The following SETDB2 variants were observed in gnomAD, a reference collection of about 807,000 sequenced individuals.
The protein encoded by SETDB2 is histone-lysine N-methyltransferase SETDB2.
Under a neutral mutation model 82.5 loss-of-function variants are expected in SETDB2, and 56 were observed. The ratio of observed to expected loss-of-function variants is 0.68; its 90% CI spans 0.55 to 0.85. The LOEUF (loss-of-function observed/expected upper bound fraction) is 0.85, where lower values mean the gene tolerates loss of function less well. Among genes scored for constraint, SETDB2 ranks in the 40% least tolerant of loss-of-function variants. SETDB2 has a pLI of 0.00. For missense variants in SETDB2, 677 were observed against 816.4 expected (o/e 0.83, Z 2.08); for synonymous variants, 272 against 284.9 (o/e 0.95, Z 0.46).
chr13:49,470,786 A>G (rs1031055565), intron 5 of SETDB2, among the ~76,000 whole-genome samples: 11 of 152,200 alleles, frequency 7.2e-5, no homozygotes, highest in South Asian at 2.1e-4. Flanking sequence ...TCAAGGCTGC[A>G]GCAAGCCATG....
At chr13:49,490,407 T>C (rs958709958) in intron 12 of SETDB2, among the ~76,000 whole-genome samples, 2 of 152,138 alleles carry the variant, frequency 1.3e-5, no homozygotes, top group Non-Finnish European at 2.9e-5. Context: ...AAAGTTTATT[T>C]AACCAATCTG....
intron 1 of SETDB2, chr13:49,445,847 C>T (rs1282254145): frequency 6.6e-6 from 1 of 150,862 alleles, no homozygotes; most frequent in African/African-American, 2.5e-5. Flanking sequence ...AGGAGAATCG[C>T]TTGAACCCGG....
In SETDB2 at chr13:49,454,571, C is replaced by T. The variant is rs535493152; in HGVS notation, c.16+2662C>T. ...TTACTTAGGTCAGTACCTTTTCCAC[C>T]CAGCCCTTGGTGAAGTTGTTTATAC... On this transcript the variant is annotated intron_variant, in intron 2 of 13. Transcript: ENST00000611815. Among the ~76,000 whole-genome samples the T allele has an allele frequency of 2.6e-5, 4 of 152,110 alleles. No homozygotes were observed. In the South Asian group the frequency reaches 8.3e-4, roughly 31 times the overall value.
At chr13:49,472,650 T>C (rs1381498126) in intron 5 of SETDB2, among the ~76,000 whole-genome samples, 1 of 152,200 alleles carries the variant, frequency 6.6e-6, no homozygotes, top group African/African-American at 2.4e-5. Flanking sequence ...GGGATGAAAT[T>C]AGGTTACTTT....
At chr13:49,462,757 T>C (rs971113923) in intron 4 of SETDB2, among the ~76,000 whole-genome samples, 1 of 152,214 alleles carries the variant, frequency 6.6e-6, no homozygotes, top group African/African-American at 2.4e-5. Flanking sequence ...TCTCTGAAAA[T>C]ATAGTCTAGC....
chr13:49,490,916 A>C lies in SETDB2; in HGVS notation c.2006+6A>C, dbSNP rs189713465. On this transcript the variant is annotated splice_donor_region_variant and intron_variant, in intron 13 of 13. Transcript: ENST00000611815. ...GTGGCATTCTTCACCAACAGGTTTG[A>C]AATTGATTTCGCTTACTTAATTCTG... 7,144 of 1,608,664 alleles carry C rather than the reference A, an allele frequency of 4.4e-3. 23 individuals carry two copies. The highest frequency in any genetic ancestry group is 0.018 in the Middle Eastern group (111 of 6,046).
intron 1 of SETDB2, chr13:49,446,478 C>A (rs560279814): frequency 9.1e-6 from 4 of 440,158 alleles, no homozygotes; most frequent in Non-Finnish European, 1.8e-5. Flanking sequence ...TTAATACTTA[C>A]ACCTTTTAAT....
chr13:49,450,338 C>T (rs1957763657), intron 1 of SETDB2, among the ~76,000 whole-genome samples: 1 of 152,180 alleles, frequency 6.6e-6, no homozygotes, highest in Non-Finnish European at 1.5e-5. Context: ...TTCCAGCTTA[C>T]TAACTGGCTC....
Position 49,491,863 on chromosome 13 carries a change from G to A in SETDB2, c.*14G>A, listed in dbSNP as rs769793982. ...AAAATATTATAAATATGTAACTAAC[G>A]CCTGTTTGTGAAATTAGCTTATCAG... On this transcript the variant is annotated 3_prime_UTR_variant, in exon 14 of 14. Transcript: ENST00000611815. 3.1e-5 allele frequency: 47 copies of A among 1,530,314 alleles called. No homozygotes were observed. The highest frequency in any genetic ancestry group is 1.7e-4 in the Middle Eastern group (1 of 5,894). 94.8% of individuals were successfully genotyped at this position (1,530,314 alleles called of 1,614,324 possible).
intron 2 of SETDB2, among the ~76,000 whole-genome samples, chr13:49,458,241 G>A (rs1566157661): frequency 1.3e-5 from 2 of 152,122 alleles, no homozygotes; most frequent in East Asian, 3.9e-4. Context: ...GTACCACCTC[G>A]CCTGGCTGAT....
intron 4 of SETDB2, among the ~76,000 whole-genome samples, chr13:49,462,574 T>A (rs116461122): frequency 1.3e-5 from 2 of 152,192 alleles, no homozygotes; most frequent in Non-Finnish European, 1.5e-5. Flanking sequence ...AAAGAAAAAC[T>A]GAGAAGTTAT....
intron 5 of SETDB2, among the ~76,000 whole-genome samples, chr13:49,472,133 A>G (rs1958263408): frequency 6.6e-6 from 1 of 151,872 alleles, no homozygotes; most frequent in South Asian, 2.1e-4. Flanking sequence ...CAGTATGTAT[A>G]CAAGACCCAA....
chr13:49,463,198 A>G (rs766315666), intron 4 of SETDB2, among the ~76,000 whole-genome samples: 6 of 151,452 alleles, frequency 4.0e-5, no homozygotes, highest in Non-Finnish European at 7.4e-5. Flanking sequence ...TTTAGTAGAG[A>G]GAGGGTTTCA....
At chr13:49,475,552 T>A (rs533339999) in intron 5 of SETDB2, among the ~76,000 whole-genome samples, 5 of 152,066 alleles carry the variant, frequency 3.3e-5, no homozygotes, top group African/African-American at 1.2e-4. Flanking sequence ...AATGGTGTGA[T>A]CATGATTCAC....
At chr13:49,472,979 T>A (rs1369665649) in intron 5 of SETDB2, among the ~76,000 whole-genome samples, 1 of 152,214 alleles carries the variant, frequency 6.6e-6, no homozygotes, top group Non-Finnish European at 1.5e-5. Context: ...ATATTTACTA[T>A]TACAAATTTT....
At chr13:49,457,036 A>G (rs1312819047) in intron 2 of SETDB2, among the ~76,000 whole-genome samples, 1 of 152,232 alleles carries the variant, frequency 6.6e-6, no homozygotes, top group Non-Finnish European at 1.5e-5. Context: ...CATTTATTGT[A>G]GAAGCAGATT....
chr13:49,492,141 ATATT>A lies in SETDB2; in HGVS notation c.*293_*296del. 1 of 238,416 alleles carries A rather than the reference ATATT, an allele frequency of 4.2e-6. No individual in the cohort carries two copies. Among genetic ancestry groups the A allele is most frequent in the Non-Finnish European group, 8.4e-6 (1 of 118,830 alleles). The allele number at this position is 238,416 out of a possible 1,614,324, so 14.8% of individuals were successfully genotyped here. A position where few individuals can be genotyped will look rare whatever the true frequency, so the allele number is the denominator to read the frequency against. On this transcript the variant is annotated 3_prime_UTR_variant, in exon 14 of 14. Coordinates refer to ENST00000611815, the MANE Select transcript of SETDB2 (RefSeq NM_001160308.3). Reference sequence around the variant, plus strand: ...AATTTATAATTTATTTACAAATTATATATTAAGAGAAACAAATGTCATAACAGAA... The same window carrying A: ...AATTTATAATTTATTTACAAATTATAAAGAGAAACAAATGTCATAACAGAA...
At position 49,476,677 on chromosome 13, in the gene SETDB2, C is replaced by T; in HGVS notation, c.507C>T (p.Asn169=). The change falls in exon 6 of 14, where the codon AAC becomes AAT. Residue 169 remains asparagine, a synonymous_variant. Coordinates refer to ENST00000611815, the MANE Select transcript of SETDB2 (RefSeq NM_001160308.3). The part of the protein sequence containing the change: ...CHFQRRHAKT[N]SHSSALHVSY... ...TCCAAAGACGACATGCAAAGACAAA[C>T]TCTCATTCTTCAGCACTCCACGTGA... 15 of 1,614,208 alleles carry T rather than the reference C, an allele frequency of 9.3e-6. No individual in the cohort carries two copies. The highest frequency in any genetic ancestry group is 1.3e-5 in the Non-Finnish European group (15 of 1,180,038).
rs1958447396 is a variant in SETDB2, at chr13:49,480,049, A to G, written c.870-170A>G. ...AATTATTTATAAACTTTTGGGAGGTATTGTCTTTCAAAGAGATCTATTTAG... is the reference window on the plus strand; with the variant it reads ...AATTATTTATAAACTTTTGGGAGGTGTTGTCTTTCAAAGAGATCTATTTAG... On this transcript the variant is annotated intron_variant, in intron 6 of 13. Transcript: ENST00000611815. 2.0e-5 allele frequency among the ~76,000 whole-genome samples: 3 copies of G among 152,290 alleles called. No individual in the cohort carries two copies. In the South Asian group the frequency reaches 6.2e-4, roughly 32 times the overall value.
Sources: gnomAD v4.1 joint callset for allele counts (sites outside exome capture counted in the v4.1 genomes callset) on GRCh38, gnomAD v4.1.1 for gene constraint, MANE v1.5 for transcripts, NCBI Gene and HGNC (gene_info 2026-07-23, HGNC 2026-07-21) for gene names.